TRAPPC6B: variants seen among roughly 807,000 people sequenced by gnomAD.
TRAPPC6B encodes TRAPP complex subunit 6B.
In TRAPPC6B, 27 loss-of-function variants were observed where a neutral mutation model predicts 24.7. That is an observed-to-expected ratio of 1.09 (90% confidence interval 0.81 to 1.51). The LOEUF is 1.51. Among genes scored for constraint, TRAPPC6B ranks in the 40% most tolerant of loss-of-function variants. The pLI is 0.00. For missense variants in TRAPPC6B, 212 were observed against 190.8 expected (o/e 1.11, Z -0.66); for synonymous variants, 80 against 66.6 (o/e 1.20, Z -0.98).
At chr14:39,158,807 C>A in intron 2 of TRAPPC6B, 1 of 157,058 alleles carries the variant, frequency 6.4e-6, no homozygotes, top group Non-Finnish European at 1.4e-5. Flanking sequence ...AGGCATGAGC[C>A]ACCACACCTG....
At position 39,170,091 on chromosome 14, in the gene TRAPPC6B, G is replaced by T; in HGVS notation, c.5C>A (p.Ala2Glu). The T allele has an allele frequency of 6.2e-7, 1 of 1,613,972 alleles. No individual in the cohort carries two copies. The highest frequency in any genetic ancestry group is 8.5e-7 in the Non-Finnish European group (1 of 1,179,934). Reference protein sequence around the residue: MADEALFLLLHN... With the variant: MEDEALFLLLHN... ...GAGAAGCAAAAACAACGCCTCATCCGCCATTTCCTGCTAATTCTTCCAAGC... is the reference window on the plus strand; with the variant it reads ...GAGAAGCAAAAACAACGCCTCATCCTCCATTTCCTGCTAATTCTTCCAAGC... Residue 2 changes from alanine (A) to glutamate (E), a missense_variant, in exon 1 of 6, where the codon GCG becomes GAG. Physicochemically the swap from Ala to Glu is moderately radical, Grantham distance 107. Transcript: ENST00000330149.
intron 1 of TRAPPC6B, among the ~76,000 whole-genome samples, chr14:39,167,590 C>G (rs1310462131): frequency 2.7e-4 from 41 of 152,210 alleles, no homozygotes; most frequent in Non-Finnish European, 4.4e-5. Context: ...CAAGCACACT[C>G]AAAGTATGGA....
intron 3 of TRAPPC6B, among the ~76,000 whole-genome samples, chr14:39,156,407 CTAAG>C (rs750617863): frequency 1.3e-4 from 20 of 152,218 alleles, no homozygotes; most frequent in Non-Finnish European, 2.4e-4. Flanking sequence ...CAAATCTACT[CTAAG>C]TATTTCCTTG....
chr14:39,151,914 C>A, intron 4 of TRAPPC6B, 75 bp from the exon 5 acceptor site: 2 of 946,006 alleles, frequency 2.1e-6, no homozygotes, highest in Non-Finnish European at 3.2e-6. Context: ...TACAACATTA[C>A]ATGATTTATC....
chr14:39,156,404 ACT>A (rs1380861777), intron 3 of TRAPPC6B, among the ~76,000 whole-genome samples: 1 of 152,072 alleles, frequency 6.6e-6, no homozygotes, highest in African/African-American at 2.4e-5. Context: ...TTCCAAATCT[ACT>A]CTAAGTATTT....
chr14:39,151,914 C>T, intron 4 of TRAPPC6B, 75 bp from the exon 5 acceptor site: 1 of 946,006 alleles, frequency 1.1e-6, no homozygotes, highest in Non-Finnish European at 1.6e-6. Context: ...TACAACATTA[C>T]ATGATTTATC....
intron 4 of TRAPPC6B, among the ~76,000 whole-genome samples, chr14:39,153,166 C>A (rs1420325344): frequency 6.6e-6 from 1 of 151,696 alleles, no homozygotes; most frequent in African/African-American, 2.4e-5. Context: ...GTGGCGCACA[C>A]CTGTAATCCC....
intron 1 of TRAPPC6B, among the ~76,000 whole-genome samples, chr14:39,167,939 C>A (rs997966789): frequency 6.6e-6 from 1 of 151,908 alleles, no homozygotes; most frequent in Non-Finnish European, 1.5e-5. Flanking sequence ...AAGGGCCAGG[C>A]GCAGTGGCTT....
chr14:39,163,004 C>T (rs2053075037), intron 1 of TRAPPC6B, among the ~76,000 whole-genome samples: 1 of 150,778 alleles, frequency 6.6e-6, no homozygotes, highest in Admixed American at 6.6e-5. Context: ...ATGTCACCAT[C>T]TTAGGCCCAT....
chr14:39,151,943 T>C lies in TRAPPC6B; in HGVS notation c.352-104A>G. 8 of 782,048 alleles carry C rather than the reference T, an allele frequency of 1.0e-5. No homozygotes were observed. The South Asian group carries it at 1.6e-4, about 16-fold the overall frequency. 48.4% of individuals were successfully genotyped at this position (782,048 alleles called of 1,614,324 possible). A position where few individuals can be genotyped will look rare whatever the true frequency, so the allele number is the denominator to read the frequency against. On this transcript the variant is annotated intron_variant, in intron 4 of 5. Transcript: ENST00000330149. The stretch of plus-strand genomic sequence containing the variant: ...ATTTATCATCAGTAAGTCATTCCTG[T>C]TTAAAAAAAGGATTTTGAAGAACTG...
In TRAPPC6B at chr14:39,149,500, C is replaced by T. The variant is rs1476102144; in HGVS notation, c.*850G>A. The T allele has an allele frequency of 6.6e-6, 1 of 152,154 alleles. No individual in the cohort carries two copies. Among genetic ancestry groups the T allele is most frequent in the Admixed American group, 6.5e-5 (1 of 15,274 alleles). 9.4% of individuals were successfully genotyped at this position (152,154 alleles called of 1,614,324 possible). A position where few individuals can be genotyped will look rare whatever the true frequency, so the allele number is the denominator to read the frequency against. Reference sequence around the variant, plus strand: ...GAAAGATATATCAGATGAGCACTGACCCCAAACCACTAAGATGATATGGTC... The same window carrying T: ...GAAAGATATATCAGATGAGCACTGATCCCAAACCACTAAGATGATATGGTC... On this transcript the variant is annotated 3_prime_UTR_variant, in exon 6 of 6. Transcript: ENST00000330149.
At chr14:39,154,331 T>G in intron 3 of TRAPPC6B, 37 bp from the exon 4 acceptor site, 1 of 1,146,594 alleles carries the variant, frequency 8.7e-7, no homozygotes, top group Non-Finnish European at 1.3e-6. Flanking sequence ...AAAGTCAATG[T>G]ACCTAGCAGT....
At chr14:39,167,922 G>A (rs1238147695) in intron 1 of TRAPPC6B, among the ~76,000 whole-genome samples, 2 of 151,950 alleles carry the variant, frequency 1.3e-5, no homozygotes, top group Non-Finnish European at 2.9e-5. Flanking sequence ...CTAGACAAGA[G>A]TCAGAAAAGG....
chr14:39,159,445 C>T (rs752773126), intron 2 of TRAPPC6B, 38 bp downstream of exon 2: 1 of 1,477,834 alleles, frequency 6.8e-7, no homozygotes, highest in Admixed American at 1.9e-5. Context: ...TTGTTTATAA[C>T]CTACCTGCAA....
chr14:39,151,330 C>A lies in TRAPPC6B; in HGVS notation c.445+416G>T, dbSNP rs183016765. ...GCGTGAACCCGGGAGGTGGAGCTTG[C>A]AGTGAGCCGAGATTGTGCCACTGCA... On this transcript the variant is annotated intron_variant, in intron 5 of 5. Transcript: ENST00000330149. Among the ~76,000 whole-genome samples, 867 of 137,094 alleles carry A rather than the reference C, an allele frequency of 6.3e-3. 10 individuals carry two copies. The highest frequency in any genetic ancestry group is 0.05 in the Middle Eastern group (11 of 222). The allele number at this position is 137,094 out of a possible 152,430, so 89.9% of individuals were successfully genotyped here.
intron 2 of TRAPPC6B, chr14:39,159,262 T>C (rs1489957635): frequency 8.3e-6 from 2 of 241,942 alleles, no homozygotes; most frequent in East Asian, 1.6e-4. Context: ...GAAGAAAGTC[T>C]AAAATATATA....
intron 1 of TRAPPC6B, among the ~76,000 whole-genome samples, chr14:39,164,947 CT>C (rs1486850059): frequency 6.6e-6 from 1 of 152,192 alleles, no homozygotes; most frequent in East Asian, 1.9e-4. Context: ...CACAAACATC[CT>C]TCCCTTTTAC....
chr14:39,151,742 T>C lies in TRAPPC6B; in HGVS notation c.445+4A>G. ...CATTTGTAAGAAAGGCGAATTCAAC[T>C]TACAAGCAGGCATTGAAGACACTTC... On this transcript the variant is annotated splice_donor_region_variant and intron_variant, in intron 5 of 5. Transcript: ENST00000330149. 1 of 1,570,216 alleles carries C rather than the reference T, an allele frequency of 6.4e-7. No individual in the cohort carries two copies. The highest frequency in any genetic ancestry group is 8.6e-7 in the Non-Finnish European group (1 of 1,163,558).
intron 4 of TRAPPC6B, among the ~76,000 whole-genome samples, chr14:39,153,759 T>C (rs1267270650): frequency 2.0e-5 from 3 of 149,762 alleles, no homozygotes; most frequent in Non-Finnish European, 4.4e-5. Context: ...TGGAGTGCAA[T>C]GATAGCACGA....
Sources: gnomAD v4.1 joint callset for allele counts (sites outside exome capture counted in the v4.1 genomes callset) on GRCh38, gnomAD v4.1.1 for gene constraint, MANE v1.5 for transcripts, NCBI Gene and HGNC (gene_info 2026-07-23, HGNC 2026-07-21) for gene names.